The following LMBRD1 variants were observed in gnomAD, a reference collection of about 807,000 sequenced individuals.
LMBRD1 encodes LMBR1 domain containing 1.
Under a neutral mutation model 74.8 loss-of-function variants are expected in LMBRD1, and 64 were observed. The ratio of observed to expected loss-of-function variants is 0.86; its 90% CI spans 0.70 to 1.05. The LOEUF (loss-of-function observed/expected upper bound fraction) is 1.05, where lower values mean the gene tolerates loss of function less well. Among genes scored for constraint, LMBRD1 ranks in the 50% least tolerant of loss-of-function variants. The pLI is 0.00. For synonymous variants in LMBRD1, 204 were observed against 216.3 expected (o/e 0.94, Z 0.50); for missense variants, 652 against 645.9 (o/e 1.01, Z -0.10).
At chr6:69,725,677 T>A (rs535820982) in intron 7 of LMBRD1, among the ~76,000 whole-genome samples, 1 of 152,198 alleles carries the variant, frequency 6.6e-6, no homozygotes, top group African/African-American at 2.4e-5. Context: ...AAACTGGATA[T>A]CCATATGTAG....
At chr6:69,784,928 T>G (rs1336190240) in intron 2 of LMBRD1, among the ~76,000 whole-genome samples, 1 of 152,044 alleles carries the variant, frequency 6.6e-6, no homozygotes, top group Non-Finnish European at 1.5e-5. Context: ...TAAAAACACC[T>G]CCATTAACCC....
intron 3 of LMBRD1, among the ~76,000 whole-genome samples, chr6:69,775,135 G>C (rs1765672583): frequency 1.3e-5 from 2 of 152,196 alleles, no homozygotes; most frequent in South Asian, 4.1e-4. Context: ...CCAGATGAGG[G>C]AGTCACCTGA....
intron 2 of LMBRD1, among the ~76,000 whole-genome samples, chr6:69,785,947 T>C (rs1020772735): frequency 3.3e-5 from 5 of 152,190 alleles, no homozygotes; most frequent in African/African-American, 1.2e-4. Flanking sequence ...CTTTACTAGA[T>C]TGGCTCCTCA....
At chr6:69,720,173 C>CT (rs201490844) in intron 7 of LMBRD1, among the ~76,000 whole-genome samples, 19 of 150,804 alleles carry the variant, frequency 1.3e-4, no homozygotes, top group Admixed American at 4.0e-4. Flanking sequence ...AACAAATCAG[C>CT]TTTTTTTTTA....
At chr6:69,704,907 G>GTGT (rs1554232081) in intron 9 of LMBRD1, among the ~76,000 whole-genome samples, 1 of 137,310 alleles carries the variant, frequency 7.3e-6, no homozygotes, top group Non-Finnish European at 1.6e-5. Flanking sequence ...TTGGACATTT[G>GTGT]TTTTTTTTTT....
At chr6:69,708,152 T>C (rs1272378918) in intron 9 of LMBRD1, among the ~76,000 whole-genome samples, 3 of 152,180 alleles carry the variant, frequency 2.0e-5, no homozygotes, top group Non-Finnish European at 2.9e-5. Flanking sequence ...TATACTCTTC[T>C]GTCAGGGAAG....
In LMBRD1 at chr6:69,772,628, G is replaced by C. The variant is rs148418268; in HGVS notation, c.307+7866C>G. On this transcript the variant is annotated intron_variant, in intron 3 of 15. Transcript: ENST00000649934. ...CTTAGAAAACATCCCCTTTAATTAA[G>C]AATACTTTCTTTTAAAAAGGGGGAA... Among the ~76,000 whole-genome samples, 531 of 152,100 alleles carry C rather than the reference G, an allele frequency of 3.5e-3. 1 individual carries two copies. Among genetic ancestry groups the C allele is most frequent in the African/African-American group, 0.012 (512 of 41,474 alleles).
chr6:69,775,190 T>G (rs951528216), intron 3 of LMBRD1, among the ~76,000 whole-genome samples: 2 of 152,104 alleles, frequency 1.3e-5, no homozygotes, highest in Admixed American at 1.3e-4. Flanking sequence ...AATGAACAAC[T>G]TTACCCTCTC....
At chr6:69,743,892 A>C (rs570288491) in intron 5 of LMBRD1, among the ~76,000 whole-genome samples, 1 of 152,324 alleles carries the variant, frequency 6.6e-6, no homozygotes, top group South Asian at 2.1e-4. Flanking sequence ...CTGGTATAAA[A>C]GCATGTCAAC....
At chr6:69,707,325 A>G (rs1426667921) in intron 9 of LMBRD1, among the ~76,000 whole-genome samples, 1 of 152,162 alleles carries the variant, frequency 6.6e-6, no homozygotes, top group Non-Finnish European at 1.5e-5. Flanking sequence ...AACCCAGGAT[A>G]ATCTTTATAT....
At chr6:69,786,018 C>T (rs183609470) in intron 2 of LMBRD1, among the ~76,000 whole-genome samples, 5 of 152,292 alleles carry the variant, frequency 3.3e-5, no homozygotes, top group Non-Finnish European at 5.9e-5. Flanking sequence ...CTCCAAAACA[C>T]TCATAACCTG....
intron 1 of LMBRD1, among the ~76,000 whole-genome samples, chr6:69,795,559 T>A (rs1369124910): frequency 6.6e-6 from 1 of 152,368 alleles, no homozygotes; most frequent in Admixed American, 6.5e-5. Flanking sequence ...ATACATTACA[T>A]GCTTATTTAT....
At chr6:69,786,365 T>C (rs1289882028) in intron 2 of LMBRD1, among the ~76,000 whole-genome samples, 1 of 152,076 alleles carries the variant, frequency 6.6e-6, no homozygotes, top group Non-Finnish European at 1.5e-5. Flanking sequence ...GGAACAGGAG[T>C]AAGATATGAA....
At position 69,676,227 on chromosome 6, in the gene LMBRD1, T is replaced by C. The variant is rs1473395434; in HGVS notation, c.1554A>G (p.Lys518=). ...GLIVSCCKGK[K]SVIEGVDEDS... is the part of the protein sequence containing the mutation. Reference sequence around the variant, plus strand: ...CTTCATCTACTCCTTCAATAACCGATTTCTTCCCTTTACAACAGGATACAA... The same window carrying C: ...CTTCATCTACTCCTTCAATAACCGACTTCTTCCCTTTACAACAGGATACAA... The change falls in exon 16 of 16, where the codon AAA becomes AAG. Residue 518 remains lysine, a synonymous_variant. Coordinates refer to ENST00000649934, the MANE Select transcript of LMBRD1 (RefSeq NM_018368.4). The C allele has an allele frequency of 6.2e-7, 1 of 1,613,436 alleles. No homozygotes were observed. The highest frequency in any genetic ancestry group is 1.7e-5 in the Admixed American group (1 of 59,940).
chr6:69,728,956 T>C (rs146726641), intron 7 of LMBRD1, among the ~76,000 whole-genome samples: 36 of 152,128 alleles, frequency 2.4e-4, no homozygotes, highest in African/African-American at 8.4e-4. Context: ...TATATGTATA[T>C]GAACATATAA....
intron 8 of LMBRD1, among the ~76,000 whole-genome samples, chr6:69,716,006 G>A (rs1462081603): frequency 1.3e-5 from 2 of 152,012 alleles, no homozygotes; most frequent in Non-Finnish European, 2.9e-5. Context: ...TTTTCTTTAT[G>A]CAGTCTACCA....
intron 14 of LMBRD1, among the ~76,000 whole-genome samples, chr6:69,684,535 G>A (rs1765723595): frequency 6.6e-6 from 1 of 151,860 alleles, no homozygotes; most frequent in East Asian, 1.9e-4. Flanking sequence ...TCTAAGCACA[G>A]CCAAACTATC....
chr6:69,726,771 T>C (rs1043340573), intron 7 of LMBRD1, among the ~76,000 whole-genome samples: 9 of 124,312 alleles, frequency 7.2e-5, no homozygotes, highest in South Asian at 2.8e-4. Flanking sequence ...GGATGGTTAC[T>C]AGGTACAAAA....
chr6:69,703,433 C>T (rs1317592669), intron 9 of LMBRD1, among the ~76,000 whole-genome samples: 1 of 149,856 alleles, frequency 6.7e-6, no homozygotes, highest in Non-Finnish European at 1.5e-5. Flanking sequence ...TTAAGATTCC[C>T]TCTCTTTGGT....
Sources: gnomAD v4.1 joint callset for allele counts (sites outside exome capture counted in the v4.1 genomes callset) on GRCh38, gnomAD v4.1.1 for gene constraint, MANE v1.5 for transcripts, NCBI Gene and HGNC (gene_info 2026-07-23, HGNC 2026-07-21) for gene names.